The following RBFOX1 variants were observed in gnomAD, a reference collection of about 807,000 sequenced individuals.
RBFOX1 encodes the protein RNA binding fox-1 homolog 1, also known as RNA binding protein fox-1 homolog 1.
RBFOX1 carries 8 observed loss-of-function variants against 57.7 expected under a neutral mutation model. The ratio of observed to expected loss-of-function variants is 0.14; its 90% CI spans 0.08 to 0.25. The LOEUF (loss-of-function observed/expected upper bound fraction) is 0.25. Among genes scored for constraint, RBFOX1 ranks in the 10% least tolerant of loss-of-function variants. The probability of loss-of-function intolerance (pLI) is 1.00; values close to 1 mark genes in which losing one functional copy is unlikely to be tolerated. For missense variants in RBFOX1, 611 were observed against 548.5 expected, an observed-to-expected ratio of 1.11 and a Z score of -1.14; for synonymous variants, 326 against 222.4, an observed-to-expected ratio of 1.47 and a Z score of -4.15.
Position 7,216,652 on chromosome 16 carries a change from C to T in RBFOX1, c.27+164554C>T, listed in dbSNP as rs180923114. ...CAGCCTGGGCAACAGAGTGAGACTCCGTCAAAATAAAATAAAAATTAAAAA... is the reference window on the plus strand; with the variant it reads ...CAGCCTGGGCAACAGAGTGAGACTCTGTCAAAATAAAATAAAAATTAAAAA... On this transcript the variant is annotated intron_variant, in intron 4 of 15. Coordinates refer to ENST00000550418, the MANE Select transcript of RBFOX1 (RefSeq NM_018723.4). Among the ~76,000 whole-genome samples the T allele has an allele frequency of 2.9e-3, 409 of 139,964 alleles. 3 individuals are homozygous for T. Among genetic ancestry groups the T allele is most frequent in the Non-Finnish European group, 1.2e-3 (73 of 63,184 alleles). The allele number at this position is 139,964 out of a possible 152,430, so 91.8% of individuals were successfully genotyped here. A position where few individuals can be genotyped will look rare whatever the true frequency, so the allele number is the denominator to read the frequency against.
intron 4 of RBFOX1, among the ~76,000 whole-genome samples, chr16:6,009,099 CTT>C (rs536519387): frequency 4.9e-5 from 7 of 142,342 alleles, no homozygotes; most frequent in Admixed American, 7.0e-5. Flanking sequence ...TTGTCTTTTA[CTT>C]TTTTTTTTTT....
At chr16:6,969,704 A>G (rs2153566203) in intron 3 of RBFOX1, among the ~76,000 whole-genome samples, 1 of 152,212 alleles carries the variant, frequency 6.6e-6, no homozygotes, top group South Asian at 2.1e-4. Flanking sequence ...AAATAGTGCC[A>G]CCTCACTCCA....
chr16:7,561,224 T>C (rs2090266937), intron 5 of RBFOX1, among the ~76,000 whole-genome samples: 1 of 152,228 alleles, frequency 6.6e-6, no homozygotes, highest in Admixed American at 6.5e-5. Context: ...TAAAGTTTTA[T>C]CAAAACACAG....
At chr16:5,935,910 A>G (rs890762120) in intron 4 of RBFOX1, among the ~76,000 whole-genome samples, 2 of 152,122 alleles carry the variant, frequency 1.3e-5, no homozygotes, top group Non-Finnish European at 2.9e-5. Flanking sequence ...CTACAGAAGT[A>G]CAAGCAAAAC....
At chr16:7,218,628 C>CTGTGTG (rs60333818) in intron 4 of RBFOX1, among the ~76,000 whole-genome samples, 4,186 of 126,962 alleles carry the variant, frequency 0.033, 128 homozygotes, top group Middle Eastern at 0.081. Flanking sequence ...TGGGGGTTTG[C>CTGTGTG]TGTGTGTGTG....
rs1035763382 is a variant in RBFOX1 at position 6,278,512 on chromosome 16, T to G, written c.-126-38483T>G. On this transcript the variant is annotated intron_variant, in intron 1 of 15. Coordinates refer to ENST00000550418, the MANE Select transcript of RBFOX1 (RefSeq NM_018723.4). Reference sequence around the variant, plus strand: ...AATTGCTCTTTAGTTTCAGAATTGGTGAATCTAAGTGGGCACCCAAAGAAG... The same window carrying G: ...AATTGCTCTTTAGTTTCAGAATTGGGGAATCTAAGTGGGCACCCAAAGAAG... 6.6e-5 allele frequency among the ~76,000 whole-genome samples: 10 copies of G among 151,008 alleles called. No individual in the cohort carries two copies. In the Admixed American group the frequency reaches 6.6e-4, roughly 10 times the overall value.
chr16:7,304,621 A>C (rs1370085018), intron 4 of RBFOX1: 3 of 975,960 alleles, frequency 3.1e-6, no homozygotes, highest in Non-Finnish European at 3.7e-6. Flanking sequence ...GAAAGGGTGG[A>C]TGGAAGCCTC....
intron 3 of RBFOX1, among the ~76,000 whole-genome samples, chr16:5,718,434 A>G (rs1172460285): frequency 6.6e-6 from 1 of 152,244 alleles, no homozygotes; most frequent in Non-Finnish European, 1.5e-5. Context: ...GTGGTTTGTT[A>G]TGCAGGTGTT....
At chr16:7,184,052 A>C (rs1295677022) in intron 4 of RBFOX1, among the ~76,000 whole-genome samples, 2 of 152,306 alleles carry the variant, frequency 1.3e-5, no homozygotes, top group African/African-American at 4.8e-5. Context: ...AGCCCAGGAA[A>C]GTGGTGGTGG....
At chr16:7,706,803 A>G (rs2082598935) in intron 14 of RBFOX1, among the ~76,000 whole-genome samples, 1 of 152,204 alleles carries the variant, frequency 6.6e-6, no homozygotes, top group East Asian at 1.9e-4. Flanking sequence ...AATAAAGAGC[A>G]GTACCAAGGT....
intron 2 of RBFOX1, among the ~76,000 whole-genome samples, chr16:6,391,519 A>G (rs1446588936): frequency 6.6e-6 from 1 of 151,782 alleles, no homozygotes; most frequent in Non-Finnish European, 1.5e-5. Context: ...CAAAAAAAAA[A>G]AAAAAGAAAA....
intron 1 of RBFOX1, among the ~76,000 whole-genome samples, chr16:5,457,322 A>G (rs140858733): frequency 7.2e-5 from 11 of 152,260 alleles, no homozygotes; most frequent in African/African-American, 2.4e-4. Flanking sequence ...TTTAGTAGAG[A>G]TGGGGTTTCA....
chr16:7,505,145 A>C (rs1046959153), intron 4 of RBFOX1, among the ~76,000 whole-genome samples: 2 of 151,514 alleles, frequency 1.3e-5, no homozygotes, highest in African/African-American at 4.9e-5. Context: ...TTTTTATTCA[A>C]CAAAACATTT....
intron 2 of RBFOX1, among the ~76,000 whole-genome samples, chr16:6,548,773 C>G (rs1030105782): frequency 1.3e-5 from 2 of 152,076 alleles, no homozygotes; most frequent in South Asian, 2.1e-4. Context: ...CACACGTAGT[C>G]TTCGAGAAGT....
At chr16:5,457,272 C>G (rs1210661597) in intron 1 of RBFOX1, among the ~76,000 whole-genome samples, 1 of 152,146 alleles carries the variant, frequency 6.6e-6, no homozygotes, top group Non-Finnish European at 1.5e-5. Context: ...GTAACTGGGA[C>G]TATAGGCATG....
At chr16:6,899,849 A>C (rs189326254) in intron 3 of RBFOX1, among the ~76,000 whole-genome samples, 1 of 152,204 alleles carries the variant, frequency 6.6e-6, no homozygotes, top group Non-Finnish European at 1.5e-5. Context: ...TTTCGTTAGT[A>C]AATAATAGTA....
chr16:5,322,333 G>T (rs975038274), intron 1 of RBFOX1, among the ~76,000 whole-genome samples: 1 of 152,142 alleles, frequency 6.6e-6, no homozygotes, highest in African/African-American at 2.4e-5. Flanking sequence ...CCTGCTCCTG[G>T]GGCTGGGGGA....
intron 1 of RBFOX1, among the ~76,000 whole-genome samples, chr16:5,432,556 TTTG>T (rs1567502975): frequency 9.1e-6 from 1 of 110,078 alleles, no homozygotes; most frequent in Non-Finnish European, 1.9e-5. Context: ...TTTTTGTTTG[TTTG>T]TTTTTTTTTT....
chr16:6,949,076 G>A (rs992813867), intron 3 of RBFOX1, among the ~76,000 whole-genome samples: 3 of 152,134 alleles, frequency 2.0e-5, no homozygotes, highest in African/African-American at 7.2e-5. Flanking sequence ...CAAAGCTATT[G>A]TCAAGGTTTC....
Sources: allele counts gnomAD v4.1 joint callset (sites outside exome capture counted in the v4.1 genomes callset), GRCh38; gene constraint gnomAD v4.1.1; transcripts MANE v1.5; gene names NCBI Gene and HGNC (gene_info 2026-07-23, HGNC 2026-07-21).